Variants in ANKS1B observed in about 807,000 individuals in gnomAD.
The protein encoded by ANKS1B is ankyrin repeat and sterile alpha motif domain-containing protein 1B.
A neutral mutation model predicts 148.3 loss-of-function variants in ANKS1B; 36 were observed. The observed-to-expected ratio is 0.24, with a 90% confidence interval of 0.19 to 0.32. The LOEUF (loss-of-function observed/expected upper bound fraction) is 0.32. ANKS1B is among the 10% of genes least tolerant of loss of function. ANKS1B has a pLI of 1.00. For missense variants in ANKS1B, 1,157 were observed against 1,542.6 expected, an observed-to-expected ratio of 0.75 and a Z score of 4.19; for synonymous variants, 542 against 560.8, an observed-to-expected ratio of 0.97 and a Z score of 0.47.
chr12:98,853,207 A>G (rs143919188), intron 17 of ANKS1B, among the ~76,000 whole-genome samples: 1 of 152,310 alleles, frequency 6.6e-6, no homozygotes, highest in East Asian at 1.9e-4. Flanking sequence ...GGTATGGGGA[A>G]AGAATGAATT....
chr12:99,572,770 T>C (rs182372313), intron 9 of ANKS1B, among the ~76,000 whole-genome samples: 130 of 152,168 alleles, frequency 8.5e-4, no homozygotes, highest in African/African-American at 3.0e-3. Context: ...TTTTTGTAAA[T>C]TATAATAATT....
intron 10 of ANKS1B, among the ~76,000 whole-genome samples, chr12:99,495,577 T>G (rs1464887394): frequency 6.6e-6 from 1 of 152,196 alleles, no homozygotes; most frequent in African/African-American, 2.4e-5. Context: ...TGTAGATATC[T>G]GCTTTAATAA....
intron 17 of ANKS1B, among the ~76,000 whole-genome samples, chr12:98,858,586 C>T (rs1195966552): frequency 6.6e-6 from 1 of 152,150 alleles, no homozygotes; most frequent in Admixed American, 6.5e-5. Context: ...GTGATCCGCT[C>T]GCCTCAGCTT....
At chr12:98,784,337 A>T (rs971656011) in intron 22 of ANKS1B, among the ~76,000 whole-genome samples, 7 of 152,160 alleles carry the variant, frequency 4.6e-5, no homozygotes, top group Non-Finnish European at 2.9e-5. Flanking sequence ...ACAAGAGCTA[A>T]TGAAGGAACT....
At chr12:99,638,553 C>G (rs1394453632) in intron 9 of ANKS1B, among the ~76,000 whole-genome samples, 1 of 152,102 alleles carries the variant, frequency 6.6e-6, no homozygotes, top group Non-Finnish European at 1.5e-5. Flanking sequence ...GAAGAAATTT[C>G]TAAGCAGCAA....
intron 1 of ANKS1B, among the ~76,000 whole-genome samples, chr12:99,836,934 C>T (rs149976326): frequency 2.6e-5 from 4 of 152,140 alleles, no homozygotes; most frequent in African/African-American, 7.2e-5. Flanking sequence ...AATAATGGTA[C>T]CCCCAAGATG....
intron 10 of ANKS1B, among the ~76,000 whole-genome samples, chr12:99,444,864 A>G (rs2095611988): frequency 6.6e-6 from 1 of 152,012 alleles, no homozygotes; most frequent in Admixed American, 6.6e-5. Context: ...ATCGCTGTCT[A>G]CAATCCCCAG....
intron 1 of ANKS1B, among the ~76,000 whole-genome samples, chr12:99,947,987 C>G (rs752193190): frequency 6.6e-6 from 1 of 152,148 alleles, no homozygotes; most frequent in Non-Finnish European, 1.5e-5. Flanking sequence ...CAGCTAGAAA[C>G]AAATCTGTTC....
intron 9 of ANKS1B, among the ~76,000 whole-genome samples, chr12:99,557,264 T>C (rs2097287522): frequency 6.6e-6 from 1 of 152,228 alleles, no homozygotes; most frequent in Admixed American, 6.5e-5. Context: ...CAAATATATT[T>C]TCCAGGTTTC....
intron 17 of ANKS1B, among the ~76,000 whole-genome samples, chr12:98,969,833 T>G (rs539327779): frequency 3.9e-5 from 6 of 152,350 alleles, no homozygotes; most frequent in African/African-American, 1.4e-4. Flanking sequence ...GTTACTAAAC[T>G]GAGGCTACTC....
intron 8 of ANKS1B, among the ~76,000 whole-genome samples, chr12:99,769,228 G>A (rs1241284017): frequency 3.3e-5 from 5 of 152,092 alleles, no homozygotes; most frequent in Non-Finnish European, 7.4e-5. Context: ...AATTACCTCA[G>A]AAAGATCTTG....
intron 15 of ANKS1B, among the ~76,000 whole-genome samples, chr12:99,123,796 G>C (rs1261901516): frequency 6.6e-6 from 1 of 152,142 alleles, no homozygotes; most frequent in African/African-American, 2.4e-5. Flanking sequence ...TTTTATCCCA[G>C]CCACACTGGA....
At chr12:99,066,106 A>G (rs539982616) in intron 16 of ANKS1B, among the ~76,000 whole-genome samples, 8 of 152,284 alleles carry the variant, frequency 5.3e-5, no homozygotes, top group African/African-American at 1.9e-4. Context: ...GCCTGAGCTC[A>G]GGAGTTCGAG....
chr12:99,055,052 A>T (rs1004767514), intron 16 of ANKS1B, among the ~76,000 whole-genome samples: 8 of 152,228 alleles, frequency 5.3e-5, no homozygotes, highest in Admixed American at 5.2e-4. Context: ...AATGAAAGTC[A>T]GTGGCATTCA....
At chr12:99,577,635 C>T (rs547700709) in intron 9 of ANKS1B, among the ~76,000 whole-genome samples, 35 of 152,012 alleles carry the variant, frequency 2.3e-4, no homozygotes, top group African/African-American at 7.5e-4. Context: ...TGTATAAATT[C>T]CTGGAAACAT....
At chr12:99,648,824 G>A (rs1448140955) in intron 9 of ANKS1B, 19 of 1,578,350 alleles carry the variant, frequency 1.2e-5, no homozygotes, top group Non-Finnish European at 1.6e-5. Context: ...GGGCCTGGAT[G>A]CTTTGGGGGA....
At chr12:99,786,017 A>G (rs987005393) in intron 4 of ANKS1B, among the ~76,000 whole-genome samples, 2 of 152,254 alleles carry the variant, frequency 1.3e-5, no homozygotes, top group African/African-American at 4.8e-5. Context: ...TGGGGCATGA[A>G]CATTTTATTT....
At chr12:99,077,588 C>T (rs1186224390) in intron 16 of ANKS1B, among the ~76,000 whole-genome samples, 6 of 152,174 alleles carry the variant, frequency 3.9e-5, no homozygotes, top group Non-Finnish European at 5.9e-5. Flanking sequence ...AAAGAAATAA[C>T]ATTGGTTGTA....
chr12:99,586,277 T>C (rs143760769), intron 9 of ANKS1B, among the ~76,000 whole-genome samples: 2,078 of 152,290 alleles, frequency 0.014, 46 homozygotes, highest in African/African-American at 0.046. Context: ...CACAGATCTC[T>C]AGGGCAGGGG....
Sources: gnomAD v4.1 joint callset for allele counts (sites outside exome capture counted in the v4.1 genomes callset) on GRCh38, gnomAD v4.1.1 for gene constraint, MANE v1.5 for transcripts, NCBI Gene and HGNC (gene_info 2026-07-23, HGNC 2026-07-21) for gene names.